BRCA1: variants seen among roughly 807,000 people sequenced by gnomAD.
BRCA1 encodes the protein BRCA1 DNA repair associated.
In BRCA1, 140 loss-of-function variants were observed where a neutral mutation model predicts 173.7. The observed-to-expected ratio is 0.81, with a 90% CI of 0.70 to 0.93. The LOEUF (loss-of-function observed/expected upper bound fraction) is 0.93. Ranked by LOEUF, BRCA1 falls within the 40% of genes least tolerant of loss-of-function variation. The pLI is 0.00. For missense variants in BRCA1, 1,983 were observed against 2,172.5 expected (o/e 0.91, Z 1.73); for synonymous variants, 662 against 756.0 (o/e 0.88, Z 2.04).
rs2053499342 is a variant in BRCA1 at position 43,091,605 on chromosome 17, T to C, written c.3926A>G (p.Asn1309Ser). 1 of 1,614,218 alleles carries C rather than the reference T, an allele frequency of 6.2e-7. No individual in the cohort carries two copies. Among genetic ancestry groups the C allele is most frequent in the Non-Finnish European group, 8.5e-7 (1 of 1,180,044 alleles). The stretch of plus-strand genomic sequence containing the variant: ...CAAGAAAGGATCCTGGGTGTTTGTA[T>C]TTGCAGTCAAGTCTTCCAATTCACT... Reference protein sequence around the residue: ...QCSELEDLTANTNTQDPFLIG... With the variant: ...QCSELEDLTASTNTQDPFLIG... The change falls in exon 10 of 23, where the codon AAT becomes AGT. Residue 1309 changes from asparagine to serine, a missense_variant. By Grantham distance (46) the Asn-to-Ser change is conservative (BLOSUM62 1). Coordinates refer to ENST00000357654, the MANE Select transcript of BRCA1 (RefSeq NM_007294.4).
intron 10 of BRCA1, 144 bp downstream of exon 10, chr17:43,091,290 AC>A: frequency 8.9e-7 from 1 of 1,129,388 alleles, no homozygotes; most frequent in Non-Finnish European, 1.3e-6. Flanking sequence ...TATGAAAAGC[AC>A]CTTAGGAGGA....
intron 6 of BRCA1, among the ~76,000 whole-genome samples, chr17:43,100,667 T>TG (rs2054402836): frequency 2.9e-5 from 1 of 34,248 alleles, no homozygotes; most frequent in Non-Finnish European, 4.4e-5. Flanking sequence ...CATATATATA[T>TG]ATATATATAT....
intron 1 of BRCA1, among the ~76,000 whole-genome samples, chr17:43,133,994 C>T (rs1417627886): frequency 6.6e-6 from 1 of 152,172 alleles, no homozygotes; most frequent in Non-Finnish European, 1.5e-5. Context: ...TGAGCTCAGC[C>T]TGTATTTCTA....
At chr17:43,098,817 CTCTT>C (rs1348476389) in intron 7 of BRCA1, among the ~76,000 whole-genome samples, 32 of 149,922 alleles carry the variant, frequency 2.1e-4, no homozygotes, top group African/African-American at 6.2e-4. Flanking sequence ...CAAGATTCAG[CTCTT>C]TTTTTTTTTT....
chr17:43,094,921 A>G (rs2154502486), intron 9 of BRCA1, 61 bp from the exon 10 acceptor site: 2 of 1,451,568 alleles, frequency 1.4e-6, no homozygotes, highest in South Asian at 2.4e-5. Context: ...AAAAATACAT[A>G]CTTCATACAC....
intron 1 of BRCA1, among the ~76,000 whole-genome samples, chr17:43,147,122 C>T (rs1027825897): frequency 6.6e-6 from 1 of 152,188 alleles, no homozygotes; most frequent in Non-Finnish European, 1.5e-5. Context: ...CTGCCTTAGC[C>T]TCCCAAGTAG....
chr17:43,127,604 A>T (rs1165952347), upstream of BRCA1, among the ~76,000 whole-genome samples: 1 of 152,166 alleles, frequency 6.6e-6, no homozygotes, highest in South Asian at 2.1e-4. Context: ...ACCAATCAGC[A>T]CTCTGTGTAT....
upstream of BRCA1, among the ~76,000 whole-genome samples, chr17:43,130,090 T>C (rs867018848): frequency 4.6e-5 from 7 of 152,302 alleles, no homozygotes; most frequent in South Asian, 1.2e-3. Context: ...GTCTTAATTG[T>C]AGTGTTTTAC....
At chr17:43,048,305 C>A (rs953405663) in intron 21 of BRCA1, among the ~76,000 whole-genome samples, 11 of 152,246 alleles carry the variant, frequency 7.2e-5, no homozygotes, top group Admixed American at 1.3e-4. Context: ...GGGGTTCAAG[C>A]GATTCTCCTG....
At chr17:43,051,777 C>T (rs1048843511) in intron 19 of BRCA1, among the ~76,000 whole-genome samples, 3 of 152,012 alleles carry the variant, frequency 2.0e-5, no homozygotes, top group African/African-American at 7.2e-5. Flanking sequence ...GCTGGGATTA[C>T]AGGCGCGCAC....
chr17:43,104,355 TTGTTG>T, intron 5 of BRCA1, 94 bp from the exon 6 acceptor site: 2 of 1,374,810 alleles, frequency 1.5e-6, no homozygotes, highest in Non-Finnish European at 2.0e-6. Flanking sequence ...TGTATGCTCT[TTGTTG>T]TGTTAAGACA....
chr17:43,102,476 C>A (rs1053073955), intron 6 of BRCA1, among the ~76,000 whole-genome samples: 1 of 150,912 alleles, frequency 6.6e-6, no homozygotes, highest in Admixed American at 6.6e-5. Flanking sequence ...CCATCCTCAG[C>A]CTCTGGAGTA....
chr17:43,100,625 ATATATGT>A lies in BRCA1; in HGVS notation c.442-752_442-746del, dbSNP rs1346554821. On this transcript the variant is annotated intron_variant, in intron 6 of 22. Transcript: ENST00000357654. ...TATATATAACATATATATAACATAT[ATATATGT>A]TATATATATATAACATATATATAAC... is the stretch of plus-strand genomic sequence containing the variant. Among the ~76,000 whole-genome samples, 52 of 84,074 alleles carry A rather than the reference ATATATGT, an allele frequency of 6.2e-4. 2 individuals are homozygous for A. Among genetic ancestry groups the A allele is most frequent in the African/African-American group, 2.4e-3 (39 of 16,554 alleles). 55.2% of individuals were successfully genotyped at this position (84,074 alleles called of 152,430 possible).
At chr17:43,099,433 G>A (rs2054274875) in intron 7 of BRCA1, among the ~76,000 whole-genome samples, 1 of 151,394 alleles carries the variant, frequency 6.6e-6, no homozygotes, top group Non-Finnish European at 1.5e-5. Context: ...ACCACACCTG[G>A]CTAATTTTTT....
At chr17:43,082,997 T>C (rs1219979508) in intron 11 of BRCA1, among the ~76,000 whole-genome samples, 1 of 152,172 alleles carries the variant, frequency 6.6e-6, no homozygotes, top group Non-Finnish European at 1.5e-5. Context: ...GGTTAGTTCA[T>C]ATAAAAATGT....
chr17:43,125,377 C>T (rs2055837197), upstream of BRCA1: 2 of 411,268 alleles, frequency 4.9e-6, no homozygotes, highest in African/African-American at 2.1e-5. Flanking sequence ...GCTCACGCCG[C>T]GCAGTCGCAG....
At chr17:43,126,249 C>T (rs1360489152), upstream of BRCA1, among the ~76,000 whole-genome samples, 5 of 152,200 alleles carry the variant, frequency 3.3e-5, no homozygotes, top group Admixed American at 6.5e-5. Context: ...TTTGCCCCGT[C>T]TCCGTCGACG....
intron 14 of BRCA1, among the ~76,000 whole-genome samples, chr17:43,071,788 G>C (rs1388551593): frequency 6.6e-6 from 1 of 150,540 alleles, no homozygotes; most frequent in East Asian, 1.9e-4. Context: ...TGGATCACGA[G>C]GTCAGGAGAT....
intron 16 of BRCA1, among the ~76,000 whole-genome samples, chr17:43,065,432 G>A (rs1292652108): frequency 6.6e-6 from 1 of 152,158 alleles, no homozygotes; most frequent in Non-Finnish European, 1.5e-5. Context: ...ACTTTGGGAG[G>A]CCGAGGTAGG....
Sources: gnomAD v4.1 joint callset for allele counts (sites outside exome capture counted in the v4.1 genomes callset) on GRCh38, gnomAD v4.1.1 for gene constraint, MANE v1.5 for transcripts, NCBI Gene and HGNC (gene_info 2026-07-23, HGNC 2026-07-21) for gene names.